The following NXPE2 variants were observed in gnomAD, a reference collection of about 807,000 sequenced individuals.
NXPE2 encodes neurexophilin and PC-esterase domain family member 2.
A neutral mutation model predicts 34.4 loss-of-function variants in NXPE2; 34 were observed. The ratio of observed to expected loss-of-function variants is 0.99; its 90% CI spans 0.75 to 1.31. The LOEUF (loss-of-function observed/expected upper bound fraction) is 1.31, where lower values mean the gene tolerates loss of function less well. Among genes scored for constraint, NXPE2 ranks in the 40% most tolerant of loss-of-function variants. The pLI is 0.00. For synonymous variants in NXPE2, 235 were observed against 231.3 expected (o/e 1.02, Z -0.15); for missense variants, 649 against 672.5 (o/e 0.97, Z 0.39).
chr11:114,565,945 T>A, the NXPE2 span, among the ~76,000 whole-genome samples: 35 of 151,884 alleles, frequency 2.3e-4, no homozygotes, highest in Non-Finnish European at 4.3e-4. Flanking sequence ...TAAAAAAAAA[T>A]ATGGCAGAAC....
the NXPE2 span, among the ~76,000 whole-genome samples, chr11:114,808,292 G>A: frequency 6.6e-6 from 1 of 151,828 alleles, no homozygotes; most frequent in Non-Finnish European, 1.5e-5. Flanking sequence ...AATTAGAAAA[G>A]CAAGAGCAAA....
the NXPE2 span, among the ~76,000 whole-genome samples, chr11:114,665,175 C>T: frequency 6.6e-6 from 1 of 152,034 alleles, no homozygotes; most frequent in African/African-American, 2.4e-5. Context: ...ATGATAATGC[C>T]ATTATCTTAG....
the NXPE2 span, among the ~76,000 whole-genome samples, chr11:114,644,021 A>G: frequency 1.3e-5 from 2 of 151,984 alleles, no homozygotes; most frequent in African/African-American, 4.8e-5. Flanking sequence ...TTCTCTTTGC[A>G]GCAATTGTGA....
the NXPE2 span, among the ~76,000 whole-genome samples, chr11:114,534,069 T>A: frequency 6.6e-6 from 1 of 152,138 alleles, no homozygotes; most frequent in Non-Finnish European, 1.5e-5. Flanking sequence ...CACTGCCGGG[T>A]ACTCCTCTGA....
intron 2 of NXPE2, among the ~76,000 whole-genome samples, chr11:114,690,860 G>A (rs1951136423): frequency 6.6e-6 from 1 of 151,644 alleles, no homozygotes; most frequent in Non-Finnish European, 1.5e-5. Context: ...CTTCTGCTTG[G>A]TCTAGACCAT....
the NXPE2 span, among the ~76,000 whole-genome samples, chr11:114,651,504 C>A: frequency 3.3e-5 from 5 of 152,180 alleles, no homozygotes; most frequent in African/African-American, 1.2e-4. Flanking sequence ...AGCAAAAGAA[C>A]AAACCTGCCA....
chr11:114,694,036 C>T (rs1048212006), intron 2 of NXPE2, among the ~76,000 whole-genome samples: 13 of 152,180 alleles, frequency 8.5e-5, no homozygotes, highest in African/African-American at 3.1e-4. Flanking sequence ...TGAAGAGAGA[C>T]TCTGTTTTCC....
the NXPE2 span, chr11:114,522,535 G>T: frequency 4.0e-6 from 6 of 1,487,016 alleles, no homozygotes; most frequent in Non-Finnish European, 5.5e-6. Flanking sequence ...GTTTTAAATA[G>T]AAGATAATGG....
the NXPE2 span, among the ~76,000 whole-genome samples, chr11:114,475,204 G>T: frequency 7.2e-6 from 1 of 138,324 alleles, no homozygotes; most frequent in African/African-American, 2.6e-5. Context: ...AAATGTCTCT[G>T]AGAATACATT....
the NXPE2 span, among the ~76,000 whole-genome samples, chr11:114,624,309 G>C: frequency 6.6e-6 from 1 of 152,022 alleles, no homozygotes; most frequent in East Asian, 1.9e-4. Flanking sequence ...TGGATAATAA[G>C]TGTTGCCTCA....
intron 2 of NXPE2, among the ~76,000 whole-genome samples, chr11:114,692,651 C>A (rs1252262052): frequency 1.3e-5 from 2 of 152,202 alleles, no homozygotes; most frequent in African/African-American, 4.8e-5. Flanking sequence ...CATCCATGAG[C>A]CTCTCACGCT....
At chr11:114,551,369 A>G in the NXPE2 span, 5 of 1,396,276 alleles carry the variant, frequency 3.6e-6, no homozygotes, top group African/African-American at 1.5e-5. Context: ...CATACCCCCA[A>G]TCCCTTTGTC....
chr11:114,581,587 G>A, the NXPE2 span: 1 of 678,278 alleles, frequency 1.5e-6, no homozygotes, highest in Non-Finnish European at 2.6e-6. Flanking sequence ...TAGGTAACTG[G>A]TGTCTTGGCC....
At chr11:114,501,537 G>A in the NXPE2 span, among the ~76,000 whole-genome samples, 1 of 152,124 alleles carries the variant, frequency 6.6e-6, no homozygotes, top group Non-Finnish European at 1.5e-5. Context: ...TATATTTAAG[G>A]TATTTTACAA....
the NXPE2 span, among the ~76,000 whole-genome samples, chr11:114,503,047 AT>A: frequency 0.01 from 1,545 of 151,632 alleles, 33 homozygotes; most frequent in African/African-American, 0.036. Flanking sequence ...CACACATAGG[AT>A]TTTGGCTAGG....
the NXPE2 span, among the ~76,000 whole-genome samples, chr11:114,649,059 T>G: frequency 7.2e-5 from 11 of 152,104 alleles, no homozygotes; most frequent in African/African-American, 2.7e-4. Flanking sequence ...GGTCACATGG[T>G]TATAACTGAT....
chr11:114,618,785 G>A, the NXPE2 span, among the ~76,000 whole-genome samples: 1 of 152,048 alleles, frequency 6.6e-6, no homozygotes, highest in East Asian at 1.9e-4. Context: ...AAAAAGTGTT[G>A]CCTCGTGGGA....
the NXPE2 span, chr11:114,512,881 G>C: frequency 4.1e-6 from 1 of 242,110 alleles, no homozygotes; most frequent in Non-Finnish European, 8.2e-6. Context: ...TTCAGCACTT[G>C]AGTTTGAAAC....
the NXPE2 span, among the ~76,000 whole-genome samples, chr11:114,516,340 A>G: frequency 6.6e-6 from 1 of 152,182 alleles, no homozygotes; most frequent in Non-Finnish European, 1.5e-5. Context: ...AAAATTTAGT[A>G]GGAGTCTCAA....
Sources: gnomAD v4.1 joint callset for allele counts (sites outside exome capture counted in the v4.1 genomes callset) on GRCh38, gnomAD v4.1.1 for gene constraint, MANE v1.5 for transcripts, NCBI Gene and HGNC (gene_info 2026-07-23, HGNC 2026-07-21) for gene names.